Variants in PPARGC1A observed in about 807,000 individuals in gnomAD.
PPARGC1A encodes the protein PPARG coactivator 1 alpha, also known as peroxisome proliferator-activated receptor gamma coactivator 1-alpha.
Under a neutral mutation model 88.7 loss-of-function variants are expected in PPARGC1A, and 25 were observed. That is an observed-to-expected ratio of 0.28 (90% confidence interval 0.21 to 0.39). The LOEUF is 0.39. PPARGC1A is among the 10% of genes least tolerant of loss of function. The probability of loss-of-function intolerance (pLI) is 1.00; values close to 1 mark genes in which losing one functional copy is unlikely to be tolerated. For synonymous variants in PPARGC1A, 363 were observed against 355.6 expected (o/e 1.02, Z -0.24); for missense variants, 880 against 968.7 (o/e 0.91, Z 1.22).
the PPARGC1A span, among the ~76,000 whole-genome samples, chr4:24,394,438 A>C: frequency 6.6e-6 from 1 of 152,126 alleles, no homozygotes; most frequent in Non-Finnish European, 1.5e-5. Context: ...GCACTTCACG[A>C]CCTTCACTTG....
At chr4:24,415,451 T>C in the PPARGC1A span, among the ~76,000 whole-genome samples, 1 of 152,182 alleles carries the variant, frequency 6.6e-6, no homozygotes, top group Non-Finnish European at 1.5e-5. Flanking sequence ...AATACCAGTT[T>C]ATAAGTAGCA....
rs1717447489 is a variant in PPARGC1A at position 23,795,653 on chromosome 4, T to C, written c.*169A>G. The C allele has an allele frequency of 1.8e-6, 1 of 563,142 alleles. No individual in the cohort carries two copies. The highest frequency in any genetic ancestry group is 1.9e-5 in the African/African-American group (1 of 51,932). 34.9% of individuals were successfully genotyped at this position (563,142 alleles called of 1,614,324 possible). ...GCTGTGTTCATGTAAACCATTGTTGTTATTGTTGTTGTTGTTCTTGTTGTA... is the reference window on the plus strand; with the variant it reads ...GCTGTGTTCATGTAAACCATTGTTGCTATTGTTGTTGTTGTTCTTGTTGTA... On this transcript the variant is annotated 3_prime_UTR_variant, in exon 13 of 13. Coordinates refer to ENST00000264867, the MANE Select transcript of PPARGC1A (RefSeq NM_013261.5).
chr4:23,967,418 G>A, the PPARGC1A span, among the ~76,000 whole-genome samples: 2 of 152,144 alleles, frequency 1.3e-5, no homozygotes, highest in South Asian at 4.1e-4. Flanking sequence ...TCTGAGCAAT[G>A]GGGCCCACAT....
the PPARGC1A span, among the ~76,000 whole-genome samples, chr4:24,060,593 C>A: frequency 7.9e-5 from 12 of 152,282 alleles, no homozygotes; most frequent in African/African-American, 2.6e-4. Flanking sequence ...AATATTTAAG[C>A]CTTTCTAAGG....
At chr4:24,389,114 A>C in the PPARGC1A span, among the ~76,000 whole-genome samples, 1 of 152,202 alleles carries the variant, frequency 6.6e-6, no homozygotes, top group Admixed American at 6.5e-5. Flanking sequence ...TATTTACAGT[A>C]GTAAATAAAA....
the PPARGC1A span, among the ~76,000 whole-genome samples, chr4:24,184,536 C>T: frequency 6.6e-6 from 1 of 152,328 alleles, no homozygotes; most frequent in South Asian, 2.1e-4. Flanking sequence ...CCTCCCCAGG[C>T]AGGACCTAGT....
At chr4:24,078,817 T>C in the PPARGC1A span, among the ~76,000 whole-genome samples, 1 of 152,162 alleles carries the variant, frequency 6.6e-6, no homozygotes, top group Non-Finnish European at 1.5e-5. Context: ...TCCTCTTTCA[T>C]TCTCTTTGTC....
At chr4:23,913,840 C>T in the PPARGC1A span, among the ~76,000 whole-genome samples, 102 of 152,238 alleles carry the variant, frequency 6.7e-4, 2 homozygotes, top group East Asian at 0.018. Context: ...GGCATGTGCT[C>T]ATTCATCCAT....
the PPARGC1A span, among the ~76,000 whole-genome samples, chr4:24,117,478 T>A: frequency 6.6e-6 from 1 of 151,822 alleles, no homozygotes; most frequent in Non-Finnish European, 1.5e-5. Context: ...CTGCCCTTTT[T>A]TTCTTTATTT....
chr4:24,029,910 T>C, the PPARGC1A span, among the ~76,000 whole-genome samples: 1 of 152,184 alleles, frequency 6.6e-6, no homozygotes, highest in Non-Finnish European at 1.5e-5. Context: ...GGATGGCATA[T>C]GCTGCCAAGT....
At chr4:23,939,147 A>C in the PPARGC1A span, among the ~76,000 whole-genome samples, 3 of 152,320 alleles carry the variant, frequency 2.0e-5, no homozygotes, top group Admixed American at 2.0e-4. Flanking sequence ...GGGAAGAAGA[A>C]CATGACTACA....
At chr4:24,384,984 T>G in the PPARGC1A span, among the ~76,000 whole-genome samples, 67 of 152,150 alleles carry the variant, frequency 4.4e-4, 1 homozygote, top group Non-Finnish European at 2.2e-4. Flanking sequence ...ATTGACCACA[T>G]AATTGGAAGT....
chr4:24,237,782 C>T, the PPARGC1A span, among the ~76,000 whole-genome samples: 4 of 152,110 alleles, frequency 2.6e-5, no homozygotes, highest in African/African-American at 9.7e-5. Flanking sequence ...ACTTTATAGG[C>T]GGAAGGGGCC....
At chr4:24,164,178 CA>C in the PPARGC1A span, among the ~76,000 whole-genome samples, 1 of 152,132 alleles carries the variant, frequency 6.6e-6, no homozygotes, top group African/African-American at 2.4e-5. Flanking sequence ...CTGACTTAAA[CA>C]GGTGTTATGA....
At chr4:23,906,051 T>C (rs1719989486), upstream of PPARGC1A, among the ~76,000 whole-genome samples, 1 of 152,156 alleles carries the variant, frequency 6.6e-6, no homozygotes, top group South Asian at 2.1e-4. Flanking sequence ...GGCACCCTGC[T>C]CTGATCAAAA....
the PPARGC1A span, among the ~76,000 whole-genome samples, chr4:24,467,618 C>G: frequency 6.6e-6 from 1 of 151,482 alleles, no homozygotes; most frequent in Non-Finnish European, 1.5e-5. Flanking sequence ...CAGTGGGCTG[C>G]TTTCTGCTTT....
chr4:23,925,407 T>C, the PPARGC1A span, among the ~76,000 whole-genome samples: 15 of 152,258 alleles, frequency 9.9e-5, no homozygotes, highest in African/African-American at 3.6e-4. Context: ...TAAAGGAGCA[T>C]AAAATTCCAA....
At chr4:24,263,104 T>C in the PPARGC1A span, among the ~76,000 whole-genome samples, 1 of 152,150 alleles carries the variant, frequency 6.6e-6, no homozygotes, top group Non-Finnish European at 1.5e-5. Context: ...GGTAGAAAAC[T>C]TGAATCTAAC....
chr4:23,889,064 G>A (rs556465416), intron 1 of PPARGC1A: 4 of 985,326 alleles, frequency 4.1e-6, no homozygotes, highest in East Asian at 1.1e-4. Flanking sequence ...CAGAGATTAC[G>A]AGGAAACTGC....
Sources: allele counts gnomAD v4.1 joint callset (sites outside exome capture counted in the v4.1 genomes callset), GRCh38; gene constraint gnomAD v4.1.1; transcripts MANE v1.5; gene names NCBI Gene and HGNC (gene_info 2026-07-23, HGNC 2026-07-21).